The following IRS1 variants were observed in gnomAD, a reference collection of about 807,000 sequenced individuals.
IRS1 encodes insulin receptor substrate 1.
IRS1 carries 34 observed loss-of-function variants against 65.6 expected under a neutral mutation model. The ratio of observed to expected loss-of-function variants is 0.52; its 90% confidence interval spans 0.39 to 0.69. IRS1 has a LOEUF of 0.69. IRS1 is among the 30% of genes least tolerant of loss of function. The pLI is 0.00. For synonymous variants in IRS1, 699 were observed against 683.5 expected (o/e 1.02, Z -0.35); for missense variants, 1,641 against 1,720.2 (o/e 0.95, Z 0.81).
At chr2:226,770,501 C>T (rs1939141454) in intron 1 of IRS1, among the ~76,000 whole-genome samples, 1 of 152,134 alleles carries the variant, frequency 6.6e-6, no homozygotes, top group Admixed American at 6.5e-5. Context: ...TATTCCTAGC[C>T]CTATTCCCAG....
chr2:226,789,481 T>C (rs1939548736), intron 1 of IRS1, among the ~76,000 whole-genome samples: 1 of 152,054 alleles, frequency 6.6e-6, no homozygotes, highest in African/African-American at 2.4e-5. Context: ...GAGAGAAAAA[T>C]AAAGCTAAAG....
At position 226,796,940 on chromosome 2, in the gene IRS1, C is replaced by T. The variant is rs777791193; in HGVS notation, c.1799G>A (p.Arg600His). The change falls in exon 1 of 2, where the codon CGC becomes CAC. Residue 600 changes from arginine to histidine, a missense_variant. Around this residue, in one of 3 missense-constraint regions of IRS1, gnomAD observed 1,324 missense variants for 1,361.0 expected, o/e 0.97. Coordinates refer to ENST00000305123, the MANE Select transcript of IRS1 (RefSeq NM_005544.3). ...HPLERRGGHH[R>H]PDSSTLHTDD... ...CGTGTGGAGGGTGGAGCTGTCTGGG[C>T]GGTGGTGCCCCCCCCGACGCTCCAA... is the stretch of plus-strand genomic sequence containing the variant. 10 of 1,555,928 alleles carry T rather than the reference C, an allele frequency of 6.4e-6. No homozygotes were observed. Among genetic ancestry groups the T allele is most frequent in the East Asian group, 4.5e-5 (2 of 44,350 alleles).
intron 1 of IRS1, among the ~76,000 whole-genome samples, chr2:226,781,200 A>T (rs1212366145): frequency 6.6e-6 from 1 of 152,244 alleles, no homozygotes; most frequent in African/African-American, 2.4e-5. Context: ...TGGTCAATGC[A>T]TTTAAAGGCA....
chr2:226,761,857 G>A (rs560664100), intron 1 of IRS1, among the ~76,000 whole-genome samples: 1 of 152,270 alleles, frequency 6.6e-6, no homozygotes, highest in South Asian at 2.1e-4. Flanking sequence ...GTACAGACAT[G>A]GATAACAGAG....
At chr2:226,749,974 G>C (rs1938640586) in intron 1 of IRS1, among the ~76,000 whole-genome samples, 2 of 152,206 alleles carry the variant, frequency 1.3e-5, no homozygotes, top group Non-Finnish European at 2.9e-5. Context: ...GAGTGGCCGA[G>C]AGTCGTGGCT....
chr2:226,744,149 T>C (rs924085939), intron 1 of IRS1, among the ~76,000 whole-genome samples: 1 of 152,180 alleles, frequency 6.6e-6, no homozygotes, highest in Non-Finnish European at 1.5e-5. Context: ...GTAAGAATCA[T>C]TAACACCACT....
chr2:226,749,638 G>A (rs1327233953), intron 1 of IRS1, among the ~76,000 whole-genome samples: 2 of 152,122 alleles, frequency 1.3e-5, no homozygotes, highest in Non-Finnish European at 2.9e-5. Context: ...CCATTTAGTG[G>A]TTTTCTTGCA....
Position 226,797,636 on chromosome 2 carries a change from G to A in IRS1, c.1103C>T (p.Pro368Leu), listed in dbSNP as rs755078884. Residue 368 changes from proline to leucine, a missense_variant, in exon 1 of 2, where the codon CCG (proline) becomes CTG (leucine). Pro to Leu is a moderately conservative substitution (Grantham distance 98). This residue lies in a region of IRS1 where 1,324 missense variants were observed against 1,361.0 expected (regional missense o/e 0.97). Coordinates refer to ENST00000305123, the MANE Select transcript of IRS1 (RefSeq NM_005544.3). This position sits in a 1 kb window ranked among gnomAD's most constrained non-coding sequence, Gnocchi z 8.1. Reference sequence around the variant, plus strand: ...GGGGATGGAGCGGCTGTGGTTGAGCGGGGGGTGCAGCCGGGCGCTGCCCCG... The same window carrying A: ...GGGGATGGAGCGGCTGTGGTTGAGCAGGGGGTGCAGCCGGGCGCTGCCCCG... ...RHRGSARLHPPLNHSRSIPMP... is the reference protein window; with the variant it reads ...RHRGSARLHPLLNHSRSIPMP... 5 of 1,588,954 alleles carry A rather than the reference G, an allele frequency of 3.1e-6. No individual in the cohort carries two copies. In the South Asian group the frequency reaches 4.5e-5, roughly 14 times the overall value.
At position 226,795,166 on chromosome 2, in the gene IRS1, G is replaced by T. The variant is rs749276374; in HGVS notation, c.3573C>A (p.Cys1191Ter). ...DLDLVKDFKQ[C>*]PQECTPEPQP... is the part of the protein sequence containing the mutation. The stretch of plus-strand genomic sequence containing the variant: ...GCGGTTCAGGGGTGCACTCCTGAGG[G>T]CACTGTTTGAAGTCCTTGACCAAAT... Residue 1191 changes from cysteine to a stop codon, truncating the protein, a stop_gained, in exon 1 of 2, where the codon TGC becomes TGA. Transcript: ENST00000305123. LOFTEE classifies it high-confidence loss of function. The T allele has an allele frequency of 6.2e-7, 1 of 1,613,876 alleles. No homozygotes were observed. The highest frequency in any genetic ancestry group is 1.1e-5 in the South Asian group (1 of 91,074).
chr2:226,796,362 T>C lies in IRS1; in HGVS notation c.2377A>G (p.Thr793Ala). 6.2e-7 allele frequency: 1 copy of C among 1,613,332 alleles called. No individual in the cohort carries two copies. Among genetic ancestry groups the C allele is most frequent in the Non-Finnish European group, 8.5e-7 (1 of 1,180,008 alleles). Residue 793 changes from threonine to alanine, a missense_variant, in exon 1 of 2, where the codon ACT (threonine) becomes GCT (alanine). By Grantham distance (58) the Thr-to-Ala change is moderately conservative. Transcript: ENST00000305123. The part of the protein sequence containing the change: ...GARHQHLRLS[T>A]SSGRLLYAAT... ...GCATAGAGAAGGCGACCAGAGCTAG[T>C]GGAAAGGCGGAGGTGCTGATGCCGG...
chr2:226,774,429 A>G (rs1298035735), intron 1 of IRS1, among the ~76,000 whole-genome samples: 1 of 152,208 alleles, frequency 6.6e-6, no homozygotes, highest in African/African-American at 2.4e-5. Context: ...ACATGGGGAA[A>G]TCGGGAAGCA....
intron 1 of IRS1, among the ~76,000 whole-genome samples, chr2:226,760,247 T>A (rs538956795): frequency 6.6e-6 from 1 of 152,296 alleles, no homozygotes; most frequent in Non-Finnish European, 1.5e-5. Context: ...GTGCACAAAT[T>A]AAATTTTTTT....
In IRS1 at chr2:226,732,484, A is replaced by ATATATATG. The variant is rs927510422; in HGVS notation, c.*3787_*3788insCATATATA. The ATATATATG allele has an allele frequency of 8.7e-5, 13 of 148,716 alleles. No homozygotes were observed. Among genetic ancestry groups the ATATATATG allele is most frequent in the African/African-American group, 3.2e-4 (13 of 40,560 alleles). 9.2% of individuals were successfully genotyped at this position (148,716 alleles called of 1,614,324 possible). On this transcript the variant is annotated 3_prime_UTR_variant, in exon 2 of 2. Coordinates refer to ENST00000305123, the MANE Select transcript of IRS1 (RefSeq NM_005544.3). ...CCTATACATCTATATATATATATAT[A>ATATATATG]TATATATACACACACACACATATGT...
intron 1 of IRS1, among the ~76,000 whole-genome samples, chr2:226,745,429 G>A (rs1363307467): frequency 6.6e-6 from 1 of 152,172 alleles, no homozygotes; most frequent in African/African-American, 2.4e-5. Flanking sequence ...TGGCTGTCAT[G>A]CTTTTTAAAG....
Position 226,799,331 on chromosome 2 carries a change from A to C in IRS1, c.-593T>G. 3 of 1,236,396 alleles carry C rather than the reference A, an allele frequency of 2.4e-6. No individual in the cohort carries two copies. The highest frequency in any genetic ancestry group is 3.1e-6 in the Non-Finnish European group (3 of 958,256). 76.6% of individuals were successfully genotyped at this position (1,236,396 alleles called of 1,614,324 possible). On this transcript the variant is annotated 5_prime_UTR_variant, in exon 1 of 2. An upstream open reading frame in the 5' UTR loses its in-frame stop. Transcript: ENST00000305123. This position sits in a 1 kb window ranked among gnomAD's most constrained non-coding sequence, Gnocchi z 6.1. ...CCACCAGCCGCCCAAATACCAGCTC[A>C]GTCGCAGAGACCGCGGCGCTGCGGC... is the stretch of plus-strand genomic sequence containing the variant.
At chr2:226,755,064 C>T (rs560778346) in intron 1 of IRS1, among the ~76,000 whole-genome samples, 23 of 152,328 alleles carry the variant, frequency 1.5e-4, no homozygotes, top group African/African-American at 5.3e-4. Flanking sequence ...ACCCTTTTAG[C>T]TCTCCTGCCA....
chr2:226,778,605 T>C (rs1321900276), intron 1 of IRS1, among the ~76,000 whole-genome samples: 1 of 152,110 alleles, frequency 6.6e-6, no homozygotes, highest in African/African-American at 2.4e-5. Context: ...TGCATAATAG[T>C]CTTAAAAAGA....
chr2:226,748,428 CA>C (rs748065097), intron 1 of IRS1, among the ~76,000 whole-genome samples: 1,067 of 49,710 alleles, frequency 0.021, 1 homozygote, highest in Middle Eastern at 0.13. Context: ...GACTCTGTCT[CA>C]AAAAAAAAAA....
At chr2:226,760,934 T>C (rs918351512) in intron 1 of IRS1, among the ~76,000 whole-genome samples, 21 of 152,190 alleles carry the variant, frequency 1.4e-4, no homozygotes, top group Admixed American at 4.6e-4. Context: ...TGGAACCAAA[T>C]AGGCAGAAAG....
Sources: gnomAD v4.1 joint callset for allele counts (sites outside exome capture counted in the v4.1 genomes callset) on GRCh38, gnomAD v4.1.1 for gene constraint, gnomAD v4.1.1 regional missense constraint, Gnocchi (gnomAD v3.1) non-coding constraint, MANE v1.5 for transcripts, NCBI Gene and HGNC (gene_info 2026-07-23, HGNC 2026-07-21) for gene names.